Variants in KIFC1 observed in about 807,000 individuals in gnomAD.
KIFC1 encodes the protein kinesin family member C1.
Under a neutral mutation model 66.6 loss-of-function variants are expected in KIFC1, and 37 were observed. The ratio of observed to expected loss-of-function variants is 0.56; its 90% CI spans 0.43 to 0.73. The LOEUF (loss-of-function observed/expected upper bound fraction) is 0.73, where lower values mean the gene tolerates loss of function less well. Ranked by LOEUF, KIFC1 falls within the 30% of genes least tolerant of loss-of-function variation. The pLI, the probability that KIFC1 is intolerant of heterozygous loss-of-function variation, is 0.00. For synonymous variants in KIFC1, 325 were observed against 343.5 expected (o/e 0.95, Z 0.60); for missense variants, 721 against 859.8 (o/e 0.84, Z 2.02).
chr6:33,393,345 T>G (rs1562823785), intron 1 of KIFC1, among the ~76,000 whole-genome samples: 1 of 151,852 alleles, frequency 6.6e-6, no homozygotes, highest in Non-Finnish European at 1.5e-5. Context: ...ACTTTTACTC[T>G]GAGTGAGATG....
rs771084061 is a variant in KIFC1, at chr6:33,403,680, T to G, written c.356-49T>G. 2.1e-5 allele frequency: 34 copies of G among 1,594,050 alleles called. No homozygotes were observed. In the Admixed American group the frequency reaches 5.7e-4, roughly 27 times the overall value. On this transcript the variant is annotated intron_variant, in intron 5 of 10. Transcript: ENST00000428849. The surrounding 1 kb of genome is among the most constrained non-coding windows in gnomAD (Gnocchi z 4.6). ...CATAAAGGCTAGAAGGGAGGAGGGA[T>G]AGAGAGCCTAGACTTCACTGACCTT...
intron 10 of KIFC1, chr6:33,407,110 A>G: frequency 7.2e-7 from 1 of 1,390,726 alleles, no homozygotes; most frequent in Non-Finnish European, 9.4e-7. Flanking sequence ...AGAAAAGGTG[A>G]CTAAAAGGTC....
intron 1 of KIFC1, 40 bp downstream of exon 1, chr6:33,392,037 G>T (rs777398278): frequency 5.6e-6 from 9 of 1,609,680 alleles, no homozygotes; most frequent in Non-Finnish European, 6.8e-6. Flanking sequence ...CTGGGGATGG[G>T]GACGAAGGCT....
chr6:33,406,592 G>A lies in KIFC1; in HGVS notation c.1828G>A (p.Glu610Lys), dbSNP rs746763528. 6.2e-7 allele frequency: 1 copy of A among 1,614,104 alleles called. No individual in the cohort carries two copies. Among genetic ancestry groups the A allele is most frequent in the South Asian group, 1.1e-5 (1 of 91,080 alleles). The change falls in exon 9 of 11, where the codon GAG (glutamate) becomes AAG (lysine). Residue 610 changes from glutamate to lysine, a missense_variant and splice_region_variant. Glu to Lys is a moderately conservative substitution (Grantham distance 56, BLOSUM62 1). Transcript: ENST00000428849. The surrounding 1 kb of genome is among the most constrained non-coding windows in gnomAD (Gnocchi z 4.5). Reference protein sequence around the residue: ...GLVIMALSNKESHVPYRNSKL... With the variant: ...GLVIMALSNKKSHVPYRNSKL... ...ATCTGTCCCCACCTCAATCATCTAGGAGTCCCACGTGCCTTACCGGAACAG... is the reference window on the plus strand; with the variant it reads ...ATCTGTCCCCACCTCAATCATCTAGAAGTCCCACGTGCCTTACCGGAACAG...
At position 33,404,891 on chromosome 6, in the gene KIFC1, C is replaced by T; in HGVS notation, c.796C>T (p.Gln266Ter). 6.2e-7 allele frequency: 1 copy of T among 1,613,506 alleles called. No homozygotes were observed. The highest frequency in any genetic ancestry group is 8.5e-7 in the Non-Finnish European group (1 of 1,179,690). ...QTSEAALSSS[Q>*]AEVASLRQET... ...ATCAGAAGCAGCCCTGTCAAGCAGC[C>T]AAGCAGAGGTGGCATCTCTGCGGCA... Residue 266 changes from glutamine (Q) to a stop codon, truncating the protein, a stop_gained, in exon 7 of 11, where the codon CAA (glutamine) becomes TAA (stop). Coordinates refer to ENST00000428849, the MANE Select transcript of KIFC1 (RefSeq NM_002263.4). LOFTEE classifies it high-confidence loss of function. The surrounding 1 kb of genome is among the most constrained non-coding windows in gnomAD (Gnocchi z 4.0).
rs749494078 is a variant in KIFC1, at chr6:33,405,610, C to T, written c.1515C>T (p.Val505=). The T allele has an allele frequency of 6.6e-7, 1 of 1,523,146 alleles. No homozygotes were observed. The highest frequency in any genetic ancestry group is 8.8e-7 in the Non-Finnish European group (1 of 1,138,740). 94.4% of individuals were successfully genotyped at this position (1,523,146 alleles called of 1,614,324 possible). A position where few individuals can be genotyped will look rare whatever the true frequency, so the allele number is the denominator to read the frequency against. Residue 505 remains valine (V), a synonymous_variant, in exon 7 of 11, where the codon GTC becomes GTT. Transcript: ENST00000428849. This position sits in a 1 kb window ranked among gnomAD's most constrained non-coding sequence, Gnocchi z 5.4. ...TCACTGTCACCAATGCTCGATATGT[C>T]CCTGTCTCCTGTGAGAAAGAAGTGA... is the stretch of plus-strand genomic sequence containing the variant. ...EELTVTNARY[V]PVSCEKEVDA... is the part of the protein sequence containing the mutation.
chr6:33,394,846 T>C (rs1037801699), intron 1 of KIFC1, among the ~76,000 whole-genome samples: 5 of 152,256 alleles, frequency 3.3e-5, no homozygotes, highest in Admixed American at 2.6e-4. Flanking sequence ...GCTGGACATA[T>C]AAATTTGGAA....
intron 1 of KIFC1, among the ~76,000 whole-genome samples, chr6:33,394,243 C>T (rs1474040358): frequency 6.6e-6 from 1 of 152,040 alleles, no homozygotes; most frequent in Non-Finnish European, 1.5e-5. Context: ...TGTCTTAGGT[C>T]AGGGTGATAG....
At position 33,409,752 on chromosome 6, in the gene KIFC1, T is replaced by TGTGTGTGG; in HGVS notation, c.*64_*65insGTGTGGGT. 1 of 1,422,040 alleles carries TGTGTGTGG rather than the reference T, an allele frequency of 7.0e-7. No homozygotes were observed. Among genetic ancestry groups the TGTGTGTGG allele is most frequent in the Non-Finnish European group, 9.7e-7 (1 of 1,026,894 alleles). 88.1% of individuals were successfully genotyped at this position (1,422,040 alleles called of 1,614,324 possible). On this transcript the variant is annotated 3_prime_UTR_variant, in exon 11 of 11. Transcript: ENST00000428849. Reference sequence around the variant, plus strand: ...GTGTGTGTGTGTGTGTGTGTGTGTGTGTCCCTATGTCTATGTATCGGGTGA... The same window carrying TGTGTGTGG: ...GTGTGTGTGTGTGTGTGTGTGTGTGTGTGTGTGGGTCCCTATGTCTATGTATCGGGTGA...
chr6:33,406,827 G>A lies in KIFC1; in HGVS notation c.1929G>A (p.Leu643=). 6.2e-7 allele frequency: 1 copy of A among 1,614,136 alleles called. No individual in the cohort carries two copies. Among genetic ancestry groups the A allele is most frequent in the Non-Finnish European group, 8.5e-7 (1 of 1,180,008 alleles). The change falls in exon 10 of 11, where the codon CTG becomes CTA. Residue 643 remains leucine (L), a synonymous_variant. Transcript: ENST00000428849. This position sits in a 1 kb window ranked among gnomAD's most constrained non-coding sequence, Gnocchi z 4.5. The stretch of plus-strand genomic sequence containing the variant: ...TCATGTTTGTGAACATTTCTCCACT[G>A]GAAGAGAACGTCTCCGAGTCCCTCA... The part of the protein sequence containing the change: ...KMLMFVNISP[L]EENVSESLNS...
chr6:33,396,768 G>A (rs1409248423), intron 1 of KIFC1, among the ~76,000 whole-genome samples: 3 of 143,486 alleles, frequency 2.1e-5, no homozygotes, highest in African/African-American at 5.2e-5. Context: ...TGCAAGCTCC[G>A]CCTCCCGGGT....
intron 3 of KIFC1, 57 bp downstream of exon 3, chr6:33,398,444 C>G: frequency 1.7e-6 from 2 of 1,210,472 alleles, no homozygotes; most frequent in South Asian, 1.2e-5. Context: ...CTCTTCAACT[C>G]ACTTGTTTCT....
chr6:33,401,930 C>T lies in KIFC1; in HGVS notation c.251-1384C>T, dbSNP rs1775394524. 6.6e-6 allele frequency among the ~76,000 whole-genome samples: 1 copy of T among 152,162 alleles called. No individual in the cohort carries two copies. The highest frequency in any genetic ancestry group is 2.4e-5 in the African/African-American group (1 of 41,436). On this transcript the variant is annotated intron_variant, in intron 3 of 10. Coordinates refer to ENST00000428849, the MANE Select transcript of KIFC1 (RefSeq NM_002263.4). The surrounding 1 kb of genome is among the most constrained non-coding windows in gnomAD (Gnocchi z 4.5). Reference sequence around the variant, plus strand: ...CCGTGTTAGCCAGGATGGTCTCAATCTCCTGACCCCTTGATCTGCCCACCT... The same window carrying T: ...CCGTGTTAGCCAGGATGGTCTCAATTTCCTGACCCCTTGATCTGCCCACCT...
rs1202330652 is a variant in KIFC1, at chr6:33,398,007, T to TA, written c.13-20dup. 3 of 1,613,516 alleles carry TA rather than the reference T, an allele frequency of 1.9e-6. No homozygotes were observed. In the African/African-American group the frequency reaches 4.0e-5, roughly 22 times the overall value. ...ACATTTGGGCTCCTGGGTATTGTCT[T>TA]AAGGGTCTCTTTTCCCAACAGAGGT... On this transcript the variant is annotated intron_variant, in intron 1 of 10. Coordinates refer to ENST00000428849, the MANE Select transcript of KIFC1 (RefSeq NM_002263.4).
At position 33,406,816 on chromosome 6, in the gene KIFC1, A is replaced by C; in HGVS notation, c.1918A>C (p.Ile640Leu). Reference sequence around the variant, plus strand: ...TTTTCATAGGCTCATGTTTGTGAACATTTCTCCACTGGAAGAGAACGTCTC... The same window carrying C: ...TTTTCATAGGCTCATGTTTGTGAACCTTTCTCCACTGGAAGAGAACGTCTC... ...GSAKMLMFVN[I>L]SPLEENVSES... The change falls in exon 10 of 11, where the codon ATT becomes CTT. Residue 640 changes from isoleucine (I) to leucine (L), a missense_variant. Transcript: ENST00000428849. The surrounding 1 kb of genome is among the most constrained non-coding windows in gnomAD (Gnocchi z 4.5). 4 of 1,613,992 alleles carry C rather than the reference A, an allele frequency of 2.5e-6. No homozygotes were observed. Among genetic ancestry groups the C allele is most frequent in the Non-Finnish European group, 3.4e-6 (4 of 1,180,004 alleles).
rs374000321 is a variant in KIFC1 at position 33,401,367 on chromosome 6, C to T, written c.251-1947C>T. Among the ~76,000 whole-genome samples, 16 of 152,132 alleles carry T rather than the reference C, an allele frequency of 1.1e-4. No homozygotes were observed. Among genetic ancestry groups the T allele is most frequent in the African/African-American group, 3.9e-4 (16 of 41,504 alleles). ...GTCAGGATGGTCTCGATCTCCTGAC[C>T]TCGTGATCCGCCCGCCTCAGCCTCC... On this transcript the variant is annotated intron_variant, in intron 3 of 10. Transcript: ENST00000428849. The surrounding 1 kb of genome is among the most constrained non-coding windows in gnomAD (Gnocchi z 4.5).
chr6:33,402,751 G>T (rs966850264), intron 3 of KIFC1, among the ~76,000 whole-genome samples: 3 of 151,054 alleles, frequency 2.0e-5, no homozygotes, highest in Non-Finnish European at 4.4e-5. Flanking sequence ...CAAAATGGAG[G>T]CCAAGGCAGG....
In KIFC1 at chr6:33,406,073, ATTTT is replaced by A. The variant is rs145826082; in HGVS notation, c.1537-122_1537-119del. ...CATTTTCAGACATACTGTGCATCTT[ATTTT>A]GTTTCTTGACAGGCTAGAAAGCTTC... On this transcript the variant is annotated intron_variant, in intron 7 of 10. Coordinates refer to ENST00000428849, the MANE Select transcript of KIFC1 (RefSeq NM_002263.4). This position sits in a 1 kb window ranked among gnomAD's most constrained non-coding sequence, Gnocchi z 4.5. The A allele has an allele frequency of 1.1e-6, 1 of 875,638 alleles. No homozygotes were observed. The highest frequency in any genetic ancestry group is 1.7e-5 in the African/African-American group (1 of 58,542). The allele number at this position is 875,638 out of a possible 1,614,324, so 54.2% of individuals were successfully genotyped here.
In KIFC1 at chr6:33,406,551, C is replaced by G; in HGVS notation, c.1828-41C>G. On this transcript the variant is annotated intron_variant, in intron 8 of 10. Transcript: ENST00000428849. The surrounding 1 kb of genome is among the most constrained non-coding windows in gnomAD (Gnocchi z 4.5). ...CAGTTGGGGTTGGCTGTGCAGAACC[C>G]TGCCTATTCCTAAACATCTGTCCCC... The G allele has an allele frequency of 6.2e-7, 1 of 1,613,578 alleles. No homozygotes were observed. The highest frequency in any genetic ancestry group is 8.5e-7 in the Non-Finnish European group (1 of 1,179,646).
Sources: allele counts gnomAD v4.1 joint callset (sites outside exome capture counted in the v4.1 genomes callset), GRCh38; gene constraint gnomAD v4.1.1; non-coding constraint Gnocchi (gnomAD v3.1); transcripts MANE v1.5; gene names NCBI Gene and HGNC (gene_info 2026-07-23, HGNC 2026-07-21).